Variants in MGRN1 observed in about 807,000 individuals in gnomAD.
The protein encoded by MGRN1 is E3 ubiquitin-protein ligase MGRN1.
MGRN1 carries 29 observed loss-of-function variants against 69.2 expected under a neutral mutation model. The ratio of observed to expected loss-of-function variants is 0.42; its 90% CI spans 0.31 to 0.57. The LOEUF (loss-of-function observed/expected upper bound fraction) is 0.57. MGRN1 is among the 20% of genes least tolerant of loss of function. MGRN1 has a pLI of 0.15. For missense variants in MGRN1, 998 were observed against 796.2 expected (o/e 1.25, Z -3.05); for synonymous variants, 470 against 344.2 (o/e 1.37, Z -4.04).
intron 1 of MGRN1, among the ~76,000 whole-genome samples, chr16:4,637,950 C>T (rs917821271): frequency 1.3e-5 from 2 of 152,210 alleles, no homozygotes; most frequent in East Asian, 1.9e-4. Context: ...ATGCCCCCTC[C>T]GTGCCCCAGC....
chr16:4,659,968 G>A (rs374124587), intron 5 of MGRN1, among the ~76,000 whole-genome samples: 1 of 152,220 alleles, frequency 6.6e-6, no homozygotes, highest in African/African-American at 2.4e-5. Context: ...TCTCTTTGTG[G>A]CCCCATTTGG....
intron 1 of MGRN1, among the ~76,000 whole-genome samples, chr16:4,627,613 C>A (rs1392186966): frequency 1.3e-5 from 2 of 151,088 alleles, no homozygotes; most frequent in Non-Finnish European, 2.9e-5. Flanking sequence ...CGGGGAAACC[C>A]CGTCTCTACT....
intron 5 of MGRN1, among the ~76,000 whole-genome samples, chr16:4,661,664 G>C (rs527707836): frequency 1.4e-4 from 22 of 152,242 alleles, no homozygotes; most frequent in Non-Finnish European, 2.6e-4. Flanking sequence ...CAGAGACCAC[G>C]GCACTTCTCA....
chr16:4,687,968 G>GT, intron 16 of MGRN1: 1 of 985,640 alleles, frequency 1.0e-6, no homozygotes, highest in Non-Finnish European at 1.2e-6. Flanking sequence ...CTGCGCATCG[G>GT]TGGAAGGTGC....
At chr16:4,650,513 CTG>C (rs755133464) in intron 2 of MGRN1, 30 bp downstream of exon 2, 1 of 1,545,442 alleles carries the variant, frequency 6.5e-7, no homozygotes, top group African/African-American at 1.4e-5. Flanking sequence ...TCTCATGGGG[CTG>C]TGGGGGTGGG....
At chr16:4,629,219 C>T (rs974098518) in intron 1 of MGRN1, among the ~76,000 whole-genome samples, 2 of 146,834 alleles carry the variant, frequency 1.4e-5, no homozygotes, top group South Asian at 2.2e-4. Context: ...GTCTTTTGTC[C>T]AATTTTCAAA....
chr16:4,629,150 ATG>A (rs377682804), intron 1 of MGRN1, among the ~76,000 whole-genome samples: 2,473 of 127,598 alleles, frequency 0.019, 42 homozygotes, highest in African/African-American at 0.049. Context: ...TTCTGTTCGT[ATG>A]TGTGTGTGTG....
At chr16:4,652,156 A>G in intron 3 of MGRN1, 105 bp downstream of exon 3, 9 of 1,062,544 alleles carry the variant, frequency 8.5e-6, no homozygotes, top group Non-Finnish European at 1.2e-5. Flanking sequence ...GAGGGGCCCC[A>G]GTTTCTGCGC....
At chr16:4,688,627 C>A in intron 16 of MGRN1, 169 bp from the exon 17 acceptor site, 3 of 1,404,684 alleles carry the variant, frequency 2.1e-6, no homozygotes, top group Non-Finnish European at 2.8e-6. Context: ...GTTAGGGAGT[C>A]CCCGGGCCCT....
chr16:4,638,491 G>GC (rs141064800), intron 1 of MGRN1, among the ~76,000 whole-genome samples: 4,073 of 151,960 alleles, frequency 0.027, 208 homozygotes, highest in African/African-American at 0.094. Context: ...AAATATCTCA[G>GC]CCCATGTTGA....
intron 8 of MGRN1, among the ~76,000 whole-genome samples, chr16:4,669,431 CAAAAAA>C (rs58001283): frequency 7.5e-5 from 7 of 92,998 alleles, no homozygotes; most frequent in African/African-American, 2.9e-4. Context: ...AAGACTGTGT[CAAAAAA>C]AAAAAAAAAA....
At chr16:4,666,541 C>CCA (rs943503149) in intron 7 of MGRN1, among the ~76,000 whole-genome samples, 2 of 152,232 alleles carry the variant, frequency 1.3e-5, no homozygotes, top group African/African-American at 4.8e-5. Context: ...GCTGGGGCTC[C>CCA]CACAAGGAGG....
chr16:4,672,660 A>T (rs1596307581), intron 9 of MGRN1: 1 of 336,618 alleles, frequency 3.0e-6, no homozygotes, highest in Non-Finnish European at 5.8e-6. Context: ...GGGACTGTAT[A>T]AAAATGAGTG....
chr16:4,658,025 A>G (rs1353805350), intron 5 of MGRN1, among the ~76,000 whole-genome samples: 2 of 150,790 alleles, frequency 1.3e-5, no homozygotes, highest in Non-Finnish European at 3.0e-5. Flanking sequence ...TACAGGTGTG[A>G]GCCACCGTGC....
chr16:4,658,550 C>A (rs895524911), intron 5 of MGRN1, among the ~76,000 whole-genome samples: 6 of 148,318 alleles, frequency 4.0e-5, no homozygotes, highest in Non-Finnish European at 1.5e-5. Flanking sequence ...AAAAAAAAAA[C>A]AATGTAGACC....
intron 16 of MGRN1, chr16:4,688,112 T>G (rs1006198383): frequency 1.0e-6 from 1 of 985,222 alleles, no homozygotes; most frequent in Non-Finnish European, 1.2e-6. Context: ...CACCGGAGAG[T>G]GGGGCCTGGG....
intron 16 of MGRN1, chr16:4,687,186 C>G: frequency 1.0e-6 from 1 of 976,600 alleles, no homozygotes; most frequent in Non-Finnish European, 1.2e-6. Flanking sequence ...ATAGGAGGCC[C>G]TGTGAGGTTG....
intron 1 of MGRN1, among the ~76,000 whole-genome samples, chr16:4,639,262 C>T (rs1193767302): frequency 6.6e-6 from 1 of 152,098 alleles, no homozygotes; most frequent in Non-Finnish European, 1.5e-5. Context: ...GCAGCAGTGA[C>T]ACTATGAGGA....
chr16:4,641,870 T>G (rs2078167165), intron 1 of MGRN1, among the ~76,000 whole-genome samples: 3 of 151,460 alleles, frequency 2.0e-5, no homozygotes, highest in Non-Finnish European at 4.4e-5. Flanking sequence ...CCCAGGCTGG[T>G]CTGAAATTCG....
Sources: gnomAD v4.1 joint callset for allele counts (sites outside exome capture counted in the v4.1 genomes callset) on GRCh38, gnomAD v4.1.1 for gene constraint, MANE v1.5 for transcripts, NCBI Gene and HGNC (gene_info 2026-07-23, HGNC 2026-07-21) for gene names.